LOC400499: variants seen among roughly 807,000 people sequenced by gnomAD.
the LOC400499 span, chr16:11,435,594 C>A: frequency 5.0e-6 from 2 of 398,800 alleles, no homozygotes; most frequent in African/African-American, 2.1e-5. Context: ...TCTCCCATAT[C>A]CCAGGACACC....
At chr16:11,461,415 C>G in the LOC400499 span, among the ~76,000 whole-genome samples, 3 of 152,182 alleles carry the variant, frequency 2.0e-5, no homozygotes, top group Non-Finnish European at 4.4e-5. Flanking sequence ...AAGCAGGGAT[C>G]TCACTATGTT....
the LOC400499 span, among the ~76,000 whole-genome samples, chr16:11,468,637 T>C: frequency 1.7e-3 from 252 of 152,272 alleles, no homozygotes; most frequent in African/African-American, 5.9e-3. Flanking sequence ...TTTCTTTCTT[T>C]CTTTTTTTGA....
At chr16:11,384,197 G>C in the LOC400499 span, 9 of 1,227,578 alleles carry the variant, frequency 7.3e-6, no homozygotes, top group South Asian at 3.3e-4. Flanking sequence ...AAGCAGGACA[G>C]GCAGGTGCAC....
At chr16:11,471,774 C>T in the LOC400499 span, 1 of 399,168 alleles carries the variant, frequency 2.5e-6, no homozygotes, top group East Asian at 3.6e-5. Context: ...CAGGCACCGG[C>T]CAGGTCACTC....
the LOC400499 span, among the ~76,000 whole-genome samples, chr16:11,379,209 CT>C: frequency 2.0e-5 from 3 of 152,210 alleles, no homozygotes; most frequent in African/African-American, 7.2e-5. Context: ...TATCATGCCA[CT>C]GCACTCCAGC....
the LOC400499 span, among the ~76,000 whole-genome samples, chr16:11,382,959 G>T: frequency 6.6e-6 from 1 of 152,074 alleles, no homozygotes; most frequent in Non-Finnish European, 1.5e-5. Context: ...TTGGCTCACA[G>T]TTTTACAGGC....
chr16:11,412,907 A>G, the LOC400499 span: 1 of 399,156 alleles, frequency 2.5e-6, no homozygotes, highest in East Asian at 3.6e-5. Flanking sequence ...GGTCAGCTGC[A>G]GTGAGGAGCT....
At chr16:11,477,173 T>G in the LOC400499 span, among the ~76,000 whole-genome samples, 1,180 of 152,366 alleles carry the variant, frequency 7.7e-3, 48 homozygotes, top group East Asian at 0.14. Context: ...AGCACCTGCC[T>G]GGGTTCCATG....
chr16:11,444,508 C>T, the LOC400499 span, among the ~76,000 whole-genome samples: 6 of 152,176 alleles, frequency 3.9e-5, no homozygotes, highest in South Asian at 2.1e-4. Flanking sequence ...CCGTTCATTA[C>T]GTATTATTCA....
At chr16:11,509,491 G>A in the LOC400499 span, among the ~76,000 whole-genome samples, 8 of 151,872 alleles carry the variant, frequency 5.3e-5, no homozygotes, top group Admixed American at 2.0e-4. Flanking sequence ...AAGCCATCGA[G>A]TGACCAAGGC....
chr16:11,454,389 A>G, the LOC400499 span, among the ~76,000 whole-genome samples: 1 of 152,246 alleles, frequency 6.6e-6, no homozygotes, highest in African/African-American at 2.4e-5. Context: ...GTCATTGCAG[A>G]TATCATTAAG....
chr16:11,398,018 T>TAACAC, the LOC400499 span, among the ~76,000 whole-genome samples: 1 of 152,120 alleles, frequency 6.6e-6, no homozygotes, highest in Non-Finnish European at 1.5e-5. Flanking sequence ...AAAGGAGTCC[T>TAACAC]AACACCTCTC....
the LOC400499 span, chr16:11,500,702 G>A: frequency 4.3e-5 from 17 of 396,974 alleles, no homozygotes; most frequent in Admixed American, 3.5e-4. Flanking sequence ...CTTATCCTAC[G>A]AGGGGCTGGC....
chr16:11,488,500 G>T, the LOC400499 span, among the ~76,000 whole-genome samples: 1 of 152,112 alleles, frequency 6.6e-6, no homozygotes, highest in Non-Finnish European at 1.5e-5. Context: ...ACTCACTGCA[G>T]ACTTGACCTC....
chr16:11,499,735 C>A, the LOC400499 span, among the ~76,000 whole-genome samples: 18 of 152,164 alleles, frequency 1.2e-4, no homozygotes, highest in Non-Finnish European at 1.9e-4. Flanking sequence ...TGCCTGGCAC[C>A]AGCTGTGTCT....
At chr16:11,482,237 C>T in the LOC400499 span, among the ~76,000 whole-genome samples, 6 of 152,102 alleles carry the variant, frequency 3.9e-5, no homozygotes, top group Non-Finnish European at 7.3e-5. Context: ...AGACAGTGTC[C>T]AGGCTGTGGT....
the LOC400499 span, among the ~76,000 whole-genome samples, chr16:11,468,048 G>A: frequency 5.3e-5 from 8 of 151,926 alleles, no homozygotes; most frequent in African/African-American, 1.7e-4. Flanking sequence ...ATCCAGGAGC[G>A]AGACCTAGGT....
At chr16:11,520,096 T>C in the LOC400499 span, among the ~76,000 whole-genome samples, 14 of 152,234 alleles carry the variant, frequency 9.2e-5, no homozygotes, top group Admixed American at 7.8e-4. Flanking sequence ...AGGGTGGGAA[T>C]TGGAAGTTAC....
the LOC400499 span, chr16:11,446,577 C>A: frequency 2.0e-5 from 31 of 1,536,112 alleles, no homozygotes; most frequent in Non-Finnish European, 2.5e-5. Context: ...TAACCAGGCA[C>A]CCCTCTGTGT....
Sources: gnomAD v4.1 joint callset for allele counts (sites outside exome capture counted in the v4.1 genomes callset) on GRCh38, gnomAD v4.1.1 for gene constraint, MANE v1.5 for transcripts.